The following AGAP1 variants were observed in gnomAD, a reference collection of about 807,000 sequenced individuals.
AGAP1 encodes arf-GAP with GTPase, ANK repeat and PH domain-containing protein 1.
In AGAP1, 29 loss-of-function variants were observed where a neutral mutation model predicts 105.3. The ratio of observed to expected loss-of-function variants is 0.28; its 90% CI spans 0.21 to 0.38. The LOEUF is 0.38. AGAP1 is among the 10% of genes least tolerant of loss of function. AGAP1 has a pLI of 1.00. For missense variants in AGAP1, 998 were observed against 1,165.1 expected (o/e 0.86, Z 2.09); for synonymous variants, 509 against 485.9 (o/e 1.05, Z -0.63).
intron 6 of AGAP1, among the ~76,000 whole-genome samples, chr2:235,759,491 C>G (rs1365613864): frequency 6.6e-6 from 1 of 152,152 alleles, no homozygotes; most frequent in East Asian, 1.9e-4. Context: ...CATGTAGGGC[C>G]ATCCAGTGCA....
chr2:235,812,521 G>A (rs921091455), intron 9 of AGAP1, among the ~76,000 whole-genome samples: 1 of 152,246 alleles, frequency 6.6e-6, no homozygotes, highest in African/African-American at 2.4e-5. Flanking sequence ...TGTGTGGCAT[G>A]GGCAGAATGA....
intron 1 of AGAP1, among the ~76,000 whole-genome samples, chr2:235,703,208 G>T (rs112347878): frequency 6.6e-6 from 1 of 152,014 alleles, no homozygotes; most frequent in South Asian, 2.1e-4. Context: ...GATTACAGGC[G>T]TGAGTCACCA....
intron 1 of AGAP1, among the ~76,000 whole-genome samples, chr2:235,619,071 A>G (rs908030927): frequency 6.6e-6 from 1 of 152,146 alleles, no homozygotes; most frequent in Non-Finnish European, 1.5e-5. Context: ...AAAGGCAAGG[A>G]AATGGACTCT....
chr2:235,874,420 C>T lies in AGAP1; in HGVS notation c.1051-8925C>T, dbSNP rs1442444753. ...AGAAGGAAGTTGGCTTAACTGGGGG[C>T]GCTGCAGCAGCTTCTCAGACATGGC... On this transcript the variant is annotated intron_variant, in intron 9 of 17. Transcript: ENST00000304032. The surrounding 1 kb of genome is among the most constrained non-coding windows in gnomAD (Gnocchi z 4.5). Among the ~76,000 whole-genome samples the T allele has an allele frequency of 4.6e-5, 7 of 152,196 alleles. No individual in the cohort carries two copies. Among genetic ancestry groups the T allele is most frequent in the Non-Finnish European group, 2.9e-5 (2 of 68,030 alleles).
rs1344038701 is a variant in AGAP1, at chr2:235,692,567, T to C, written c.164-16612T>C. On this transcript the variant is annotated intron_variant, in intron 1 of 17. Transcript: ENST00000304032. The surrounding 1 kb of genome is among the most constrained non-coding windows in gnomAD (Gnocchi z 5.8). ...CCTGCTGCCCCTATGCTCTCCCCCC[T>C]TGCCCTCCCCCCTTGCCTTCCTGGG... Among the ~76,000 whole-genome samples the C allele has an allele frequency of 1.3e-5, 2 of 148,884 alleles. No individual in the cohort carries two copies. Among genetic ancestry groups the C allele is most frequent in the African/African-American group, 5.1e-5 (2 of 39,324 alleles).
At chr2:235,545,053 C>T (rs1207621848) in intron 1 of AGAP1, among the ~76,000 whole-genome samples, 2 of 152,212 alleles carry the variant, frequency 1.3e-5, no homozygotes, top group Admixed American at 1.3e-4. Flanking sequence ...TCCGTCCCAA[C>T]CTTCCATCCC....
intron 1 of AGAP1, among the ~76,000 whole-genome samples, chr2:235,498,037 A>T (rs1941397229): frequency 7.4e-6 from 1 of 134,790 alleles, no homozygotes; most frequent in Admixed American, 7.1e-5. Flanking sequence ...AGTGAGGTGC[A>T]GCCTTGTCCA....
At chr2:235,572,751 G>A (rs1373289353) in intron 1 of AGAP1, among the ~76,000 whole-genome samples, 2 of 152,198 alleles carry the variant, frequency 1.3e-5, no homozygotes, top group Non-Finnish European at 2.9e-5. Context: ...CTGGCAGGCC[G>A]TTGTGTGCAT....
At position 235,714,806 on chromosome 2, in the gene AGAP1, T is replaced by C. The variant is rs1202752260; in HGVS notation, c.223-2751T>C. ...TTGTTTTCTTTTTTGTTGTTGTTTT[T>C]GTTTTGTTTTGAGACAGAGTCTCGC... On this transcript the variant is annotated intron_variant, in intron 2 of 17. Transcript: ENST00000304032. The surrounding 1 kb of genome is among the most constrained non-coding windows in gnomAD (Gnocchi z 4.1). Among the ~76,000 whole-genome samples, 3 of 152,174 alleles carry C rather than the reference T, an allele frequency of 2.0e-5. No individual in the cohort carries two copies. The highest frequency in any genetic ancestry group is 7.2e-5 in the African/African-American group (3 of 41,436).
Position 236,009,373 on chromosome 2 carries a change from C to G in AGAP1, c.1646-27188C>G, listed in dbSNP as rs1389316412. 6.6e-6 allele frequency among the ~76,000 whole-genome samples: 1 copy of G among 151,876 alleles called. No homozygotes were observed. Among genetic ancestry groups the G allele is most frequent in the Non-Finnish European group, 1.5e-5 (1 of 68,032 alleles). The stretch of plus-strand genomic sequence containing the variant: ...AAAACCACAGCAGAATCCGCTCACA[C>G]CTGCCGAGGTTCCTGGGGGATGATC... On this transcript the variant is annotated intron_variant, in intron 13 of 17. Coordinates refer to ENST00000304032, the MANE Select transcript of AGAP1 (RefSeq NM_001037131.3). The surrounding 1 kb of genome is among the most constrained non-coding windows in gnomAD (Gnocchi z 4.2).
At chr2:235,619,572 G>T (rs866780191) in intron 1 of AGAP1, among the ~76,000 whole-genome samples, 1 of 152,134 alleles carries the variant, frequency 6.6e-6, no homozygotes, top group Non-Finnish European at 1.5e-5. Flanking sequence ...CAATCCTGGG[G>T]CTGCTGGAGC....
intron 9 of AGAP1, among the ~76,000 whole-genome samples, chr2:235,851,364 C>T (rs2048442513): frequency 6.6e-6 from 1 of 152,236 alleles, no homozygotes; most frequent in Admixed American, 6.5e-5. Context: ...TAAGCAAGGC[C>T]ATCTCCTGGG....
At chr2:235,717,762 C>A in intron 3 of AGAP1, 118 bp downstream of exon 3, 1 of 877,272 alleles carries the variant, frequency 1.1e-6, no homozygotes, top group East Asian at 2.8e-5. Flanking sequence ...TAAAACATAC[C>A]AAGCGGTAAA....
rs1331518583 is a variant in AGAP1, at chr2:235,552,530, A to T, written c.163+57681A>T. ...TTTTTTCTGCTACTCCTTCATTCAC[A>T]CCTGGATTCAGTTGCCCTCATGAGC... On this transcript the variant is annotated intron_variant, in intron 1 of 17. Transcript: ENST00000304032. This position sits in a 1 kb window ranked among gnomAD's most constrained non-coding sequence, Gnocchi z 5.9. Among the ~76,000 whole-genome samples the T allele has an allele frequency of 1.3e-5, 2 of 152,098 alleles. No homozygotes were observed. Among genetic ancestry groups the T allele is most frequent in the Non-Finnish European group, 2.9e-5 (2 of 68,024 alleles).
In AGAP1 at chr2:235,620,145, T is replaced by G. The variant is rs1574977335; in HGVS notation, c.164-89034T>G. ...CTTGTCATTCTTCTCCTGCCGGGCA[T>G]GGATGCTGACAATAGAACTACTTTC... On this transcript the variant is annotated intron_variant, in intron 1 of 17. Coordinates refer to ENST00000304032, the MANE Select transcript of AGAP1 (RefSeq NM_001037131.3). This position sits in a 1 kb window ranked among gnomAD's most constrained non-coding sequence, Gnocchi z 4.5. 6.6e-6 allele frequency among the ~76,000 whole-genome samples: 1 copy of G among 152,138 alleles called. No individual in the cohort carries two copies. The highest frequency in any genetic ancestry group is 1.9e-4 in the East Asian group (1 of 5,164).
Position 236,027,922 on chromosome 2 carries a change from C to T in AGAP1, c.1646-8639C>T, listed in dbSNP as rs151336260. The stretch of plus-strand genomic sequence containing the variant: ...AGAGATGGCACAGCTTCCTGCCCAC[C>T]ACACTATCACAGAGCTGTTGGTCCC... On this transcript the variant is annotated intron_variant, in intron 13 of 17. Transcript: ENST00000304032. The surrounding 1 kb of genome is among the most constrained non-coding windows in gnomAD (Gnocchi z 4.4). Among the ~76,000 whole-genome samples, 2 of 152,296 alleles carry T rather than the reference C, an allele frequency of 1.3e-5. No individual in the cohort carries two copies. Among genetic ancestry groups the T allele is most frequent in the Non-Finnish European group, 2.9e-5 (2 of 68,022 alleles).
At position 236,062,351 on chromosome 2, in the gene AGAP1, C is replaced by T. The variant is rs542918718; in HGVS notation, c.2114+13070C>T. Among the ~76,000 whole-genome samples the T allele has an allele frequency of 2.0e-5, 3 of 152,158 alleles. No homozygotes were observed. The highest frequency in any genetic ancestry group is 2.0e-4 in the Admixed American group (3 of 15,304). The stretch of plus-strand genomic sequence containing the variant: ...AGAACCCACCCCAGATCTGACCTCC[C>T]TAGAGGAAGCCATGGCCAGAGGGGA... On this transcript the variant is annotated intron_variant, in intron 16 of 17. Coordinates refer to ENST00000304032, the MANE Select transcript of AGAP1 (RefSeq NM_001037131.3). The surrounding 1 kb of genome is among the most constrained non-coding windows in gnomAD (Gnocchi z 4.2).
In AGAP1 at chr2:235,740,252, A is replaced by C. The variant is rs184729608; in HGVS notation, c.311-711A>C. Among the ~76,000 whole-genome samples the C allele has an allele frequency of 6.6e-6, 1 of 151,938 alleles. No homozygotes were observed. Among genetic ancestry groups the C allele is most frequent in the African/African-American group, 2.4e-5 (1 of 41,358 alleles). ...CATCAGGGGCCGGGACGTCCAAGGT[A>C]GCACCAGGCCCCTCATGCCCGCACC... On this transcript the variant is annotated intron_variant, in intron 3 of 17. Coordinates refer to ENST00000304032, the MANE Select transcript of AGAP1 (RefSeq NM_001037131.3). This position sits in a 1 kb window ranked among gnomAD's most constrained non-coding sequence, Gnocchi z 5.7.
At chr2:235,539,664 A>G (rs1943369180) in intron 1 of AGAP1, among the ~76,000 whole-genome samples, 1 of 152,072 alleles carries the variant, frequency 6.6e-6, no homozygotes, top group Admixed American at 6.5e-5. Context: ...GGGTAGAGGT[A>G]GCTGGAATCT....
Sources: gnomAD v4.1 joint callset for allele counts (sites outside exome capture counted in the v4.1 genomes callset) on GRCh38, gnomAD v4.1.1 for gene constraint, Gnocchi (gnomAD v3.1) non-coding constraint, MANE v1.5 for transcripts, NCBI Gene and HGNC (gene_info 2026-07-23, HGNC 2026-07-21) for gene names.